The following SOS2 variants were observed in gnomAD, a reference collection of about 807,000 sequenced individuals.
SOS2 encodes son of sevenless homolog 2.
In SOS2, 65 loss-of-function variants were observed where a neutral mutation model predicts 148.2. That is an observed-to-expected ratio of 0.44 (90% CI 0.36 to 0.54). The LOEUF (loss-of-function observed/expected upper bound fraction) is 0.54. Ranked by LOEUF, SOS2 falls within the 20% of genes least tolerant of loss-of-function variation. The probability of loss-of-function intolerance (pLI) is 0.00; values close to 1 mark genes in which losing one functional copy is unlikely to be tolerated. For missense variants in SOS2, 1,341 were observed against 1,590.2 expected (o/e 0.84, Z 2.67); for synonymous variants, 539 against 537.1 (o/e 1.00, Z -0.05).
intron 11 of SOS2, among the ~76,000 whole-genome samples, chr14:50,158,314 T>C (rs182578631): frequency 1.0e-3 from 158 of 152,254 alleles, no homozygotes; most frequent in African/African-American, 3.8e-3. Context: ...CATTAAAATA[T>C]AGTGCTTTCA....
At chr14:50,130,444 G>C (rs1363094653) in intron 20 of SOS2, 57 bp downstream of exon 20, 15 of 1,451,922 alleles carry the variant, frequency 1.0e-5, no homozygotes, top group Non-Finnish European at 2.8e-6. Context: ...AAAATGATAA[G>C]AATTATCTGA....
chr14:50,119,682 C>T (rs1044836483), intron 22 of SOS2, among the ~76,000 whole-genome samples: 39 of 151,884 alleles, frequency 2.6e-4, no homozygotes, highest in South Asian at 1.0e-3. Flanking sequence ...ATTACAGGTG[C>T]CCGCCACCAT....
intron 4 of SOS2, among the ~76,000 whole-genome samples, chr14:50,195,415 G>A (rs1358130935): frequency 6.6e-6 from 1 of 152,042 alleles, no homozygotes; most frequent in Non-Finnish European, 1.5e-5. Flanking sequence ...CTCAAAAGGT[G>A]AAGATTTAGG....
At chr14:50,132,106 T>C (rs561167540) in intron 19 of SOS2, among the ~76,000 whole-genome samples, 2 of 152,164 alleles carry the variant, frequency 1.3e-5, no homozygotes, top group Admixed American at 1.3e-4. Context: ...TTTGAAAAAC[T>C]GTTAATAGGA....
chr14:50,168,600 A>G (rs983444659), intron 8 of SOS2, among the ~76,000 whole-genome samples: 1 of 152,132 alleles, frequency 6.6e-6, no homozygotes. Context: ...GAGTTGTAGG[A>G]GTTCTTTATG....
intron 21 of SOS2, among the ~76,000 whole-genome samples, chr14:50,121,740 C>T (rs928134305): frequency 1.4e-5 from 2 of 138,266 alleles, no homozygotes; most frequent in Admixed American, 7.3e-5. Context: ...GTTACTTCTG[C>T]GGGGGTGTCC....
chr14:50,117,995 A>G lies in SOS2; in HGVS notation c.*349T>C, dbSNP rs1883345936. On this transcript the variant is annotated 3_prime_UTR_variant, in exon 23 of 23. Transcript: ENST00000216373. ...AATTCACTGCCTTAAAAAGGCATCT[A>G]TTACTCAAATTTGAAAAATTTCACA... 2 of 186,496 alleles carry G rather than the reference A, an allele frequency of 1.1e-5. No homozygotes were observed. The highest frequency in any genetic ancestry group is 1.3e-4 in the South Asian group (1 of 7,560). 11.6% of individuals were successfully genotyped at this position (186,496 alleles called of 1,614,324 possible). A position where few individuals can be genotyped will look rare whatever the true frequency, so the allele number is the denominator to read the frequency against.
chr14:50,118,379 G>C lies in SOS2; in HGVS notation c.3964C>G (p.Leu1322Val). The part of the protein sequence containing the change: ...RELSHPPLYR[L>V]PLLENAETPQ ...GTTTCTGCATTTTCTAGCAAAGGCA[G>C]TCTGTACAATGGGGGGTGCGAAAGC... The change falls in exon 23 of 23, where the codon CTG (leucine) becomes GTG (valine). Residue 1322 changes from leucine to valine, a missense_variant. Transcript: ENST00000216373. The C allele has an allele frequency of 6.2e-7, 1 of 1,614,134 alleles. No homozygotes were observed. The highest frequency in any genetic ancestry group is 8.5e-7 in the Non-Finnish European group (1 of 1,180,004).
At chr14:50,177,651 AAT>A (rs1277142086) in intron 7 of SOS2, among the ~76,000 whole-genome samples, 1 of 152,186 alleles carries the variant, frequency 6.6e-6, no homozygotes, top group South Asian at 2.1e-4. Flanking sequence ...ACTTTATATG[AAT>A]ATATGAGTTA....
chr14:50,200,945 T>C lies in SOS2; in HGVS notation c.345+8A>G. On this transcript the variant is annotated splice_region_variant and intron_variant, in intron 3 of 22. Coordinates refer to ENST00000216373, the MANE Select transcript of SOS2 (RefSeq NM_006939.4). ...ACACCCCCCAACTAATGTTTAATCT[T>C]TTGTTACCTTCAACGAAGGATGGAT... The C allele has an allele frequency of 6.2e-7, 1 of 1,613,196 alleles. No homozygotes were observed. Among genetic ancestry groups the C allele is most frequent in the Non-Finnish European group, 8.5e-7 (1 of 1,179,432 alleles).
intron 16 of SOS2, among the ~76,000 whole-genome samples, chr14:50,144,080 CT>C: frequency 6.6e-6 from 1 of 152,172 alleles, no homozygotes; most frequent in South Asian, 2.1e-4. Flanking sequence ...ATTTCCACCC[CT>C]AGATTATTTC....
At chr14:50,172,533 G>C (rs1885401324) in intron 8 of SOS2, among the ~76,000 whole-genome samples, 2 of 147,700 alleles carry the variant, frequency 1.4e-5, no homozygotes, top group South Asian at 4.3e-4. Flanking sequence ...GCTAATTTTT[G>C]TATTTTTAGT....
At chr14:50,120,412 A>G (rs369726970) in intron 21 of SOS2, 28 bp from the exon 22 acceptor site, 10 of 1,030,728 alleles carry the variant, frequency 9.7e-6, no homozygotes, top group African/African-American at 1.6e-5. Flanking sequence ...TAGTTTAACC[A>G]CAATTCACAG....
rs1246293566 is a variant in SOS2 at position 50,140,037 on chromosome 14, T to C, written c.2690A>G (p.Lys897Arg). The stretch of plus-strand genomic sequence containing the variant: ...TAATTCCACAGCTTCGTCCAAAATT[T>C]TCCTTTTCCTTTCCTGCAGTGCCTT... ...TFEALQERKR[K>R]ILDEAVELSQ... Residue 897 changes from lysine to arginine, a missense_variant, in exon 17 of 23, where the codon AAA (lysine) becomes AGA (arginine). Physicochemically the swap from Lys to Arg is conservative, Grantham distance 26 (BLOSUM62 2). Around this residue, in one of 4 missense-constraint regions of SOS2, gnomAD observed 408 missense variants for 506.6 expected, o/e 0.81. Coordinates refer to ENST00000216373, the MANE Select transcript of SOS2 (RefSeq NM_006939.4). 2 of 1,596,134 alleles carry C rather than the reference T, an allele frequency of 1.3e-6. No homozygotes were observed. Among genetic ancestry groups the C allele is most frequent in the Non-Finnish European group, 1.7e-6 (2 of 1,165,868 alleles).
rs56775636 is a variant in SOS2 at position 50,221,332 on chromosome 14, C to T, written c.87+9865G>A. On this transcript the variant is annotated intron_variant, in intron 1 of 22. Coordinates refer to ENST00000216373, the MANE Select transcript of SOS2 (RefSeq NM_006939.4). ...AATAAATTCCCAGGCCAAACACCCA[C>T]GTCTGTCAGGACACTTTCTAAACAG... Among the ~76,000 whole-genome samples, 1,220 of 152,256 alleles carry T rather than the reference C, an allele frequency of 8.0e-3. 14 individuals carry two copies. The highest frequency in any genetic ancestry group is 0.027 in the African/African-American group (1,101 of 41,524).
intron 4 of SOS2, among the ~76,000 whole-genome samples, chr14:50,189,330 G>GAAAAAAAAA (rs1566472509): frequency 5.5e-4 from 2 of 3,604 alleles, no homozygotes; most frequent in African/African-American, 7.5e-4. Flanking sequence ...ACACATAATA[G>GAAAAAAAAA]CAAAAAAAAA....
rs1883351931 is a variant in SOS2, at chr14:50,118,146, C to T, written c.*198G>A. 6 of 556,330 alleles carry T rather than the reference C, an allele frequency of 1.1e-5. No individual in the cohort carries two copies. The highest frequency in any genetic ancestry group is 3.8e-5 in the African/African-American group (2 of 52,850). 34.5% of individuals were successfully genotyped at this position (556,330 alleles called of 1,614,324 possible). A position where few individuals can be genotyped will look rare whatever the true frequency, so the allele number is the denominator to read the frequency against. On this transcript the variant is annotated 3_prime_UTR_variant, in exon 23 of 23. Coordinates refer to ENST00000216373, the MANE Select transcript of SOS2 (RefSeq NM_006939.4). ...ACTGAGGATCCAAGACAAGGCAATG[C>T]TACTGATCACCTGAGGATAATGGTG...
Position 50,153,157 on chromosome 14 carries a change from G to A in SOS2, c.2074C>T (p.Arg692Trp). ...PVQLRILNVFRHWVEHHFYDF... is the reference protein window; with the variant it reads ...PVQLRILNVFWHWVEHHFYDF... Reference sequence around the variant, plus strand: ...TAAAAATGATGTTCAACCCAATGCCGAAATACATTTAAGATCCTGATAAAA... The same window carrying A: ...TAAAAATGATGTTCAACCCAATGCCAAAATACATTTAAGATCCTGATAAAA... The change falls in exon 13 of 23, where the codon CGG becomes TGG. Residue 692 changes from arginine to tryptophan, a missense_variant. Around this residue, in one of 4 missense-constraint regions of SOS2, gnomAD observed 408 missense variants for 506.6 expected, o/e 0.81. Transcript: ENST00000216373. The A allele has an allele frequency of 6.3e-7, 1 of 1,591,060 alleles. No individual in the cohort carries two copies. Among genetic ancestry groups the A allele is most frequent in the Non-Finnish European group, 8.6e-7 (1 of 1,162,434 alleles).
At position 50,118,352 on chromosome 14, in the gene SOS2, G is replaced by C. The variant is rs2139462511; in HGVS notation, c.3991C>G (p.Pro1331Ala). 4 of 1,613,410 alleles carry C rather than the reference G, an allele frequency of 2.5e-6. No homozygotes were observed. The highest frequency in any genetic ancestry group is 2.2e-5 in the East Asian group (1 of 44,868). ...ACTACATATGGCTAAGGTCATTGGG[G>C]AGTTTCTGCATTTTCTAGCAAAGGC... ...RLPLLENAET[P>A]Q Residue 1331 changes from proline to alanine, a missense_variant, in exon 23 of 23, where the codon CCC (proline) becomes GCC (alanine). Physicochemically the swap from Pro to Ala is conservative, Grantham distance 27 (BLOSUM62 -1). Coordinates refer to ENST00000216373, the MANE Select transcript of SOS2 (RefSeq NM_006939.4).
Sources: allele counts gnomAD v4.1 joint callset (sites outside exome capture counted in the v4.1 genomes callset), GRCh38; gene constraint gnomAD v4.1.1; regional missense constraint gnomAD v4.1.1; transcripts MANE v1.5; gene names NCBI Gene and HGNC (gene_info 2026-07-23, HGNC 2026-07-21).